Variants in CDH13 observed in about 807,000 individuals in gnomAD.
CDH13 encodes the protein cadherin-13.
In CDH13, 24 loss-of-function variants were observed where a neutral mutation model predicts 63.8. The ratio of observed to expected loss-of-function variants is 0.38; its 90% CI spans 0.27 to 0.53. The LOEUF (loss-of-function observed/expected upper bound fraction) is 0.53. Among genes scored for constraint, CDH13 ranks in the 20% least tolerant of loss-of-function variants. CDH13 has a pLI of 0.85. For synonymous variants in CDH13, 503 were observed against 355.3 expected (o/e 1.42, Z -4.67); for missense variants, 1,049 against 903.1 (o/e 1.16, Z -2.07).
intron 1 of CDH13, among the ~76,000 whole-genome samples, chr16:82,728,523 T>C (rs2033224129): frequency 6.6e-6 from 1 of 152,178 alleles, no homozygotes; most frequent in Non-Finnish European, 1.5e-5. Context: ...AATAGTATTA[T>C]GTCTAAAACG....
At chr16:82,677,899 C>T (rs17179209) in intron 1 of CDH13, among the ~76,000 whole-genome samples, 47,615 of 152,000 alleles carry the variant, frequency 0.31, 9,711 homozygotes, top group Non-Finnish European at 0.46. Flanking sequence ...ACCTTGCTCT[C>T]ACATATTTGC....
At chr16:83,531,838 G>A (rs2075090516) in intron 7 of CDH13, among the ~76,000 whole-genome samples, 1 of 152,190 alleles carries the variant, frequency 6.6e-6, no homozygotes, top group Non-Finnish European at 1.5e-5. Context: ...AAAACTGTAA[G>A]AGAGTAACTT....
chr16:82,966,660 G>C (rs1340762055), intron 2 of CDH13, among the ~76,000 whole-genome samples: 2 of 152,122 alleles, frequency 1.3e-5, no homozygotes, highest in East Asian at 3.9e-4. Context: ...CAGGAAAGTT[G>C]CAAAAAGAAT....
At chr16:83,674,836 T>A (rs1914820850) in intron 9 of CDH13, among the ~76,000 whole-genome samples, 1 of 152,250 alleles carries the variant, frequency 6.6e-6, no homozygotes, top group South Asian at 2.1e-4. Context: ...TTCTTTCAGC[T>A]GAATATAATC....
intron 10 of CDH13, among the ~76,000 whole-genome samples, chr16:83,724,940 C>G (rs1910204443): frequency 6.6e-6 from 1 of 152,182 alleles, no homozygotes; most frequent in Admixed American, 6.5e-5. Flanking sequence ...TTGGTGTCCT[C>G]ATTAGGCCAA....
intron 7 of CDH13, among the ~76,000 whole-genome samples, chr16:83,488,388 GA>G (rs2073941135): frequency 6.6e-6 from 1 of 152,140 alleles, no homozygotes; most frequent in Admixed American, 6.5e-5. Context: ...GGAAAAAAAG[GA>G]AAAAGAGTTG....
chr16:83,326,969 A>T (rs959948242), intron 5 of CDH13, among the ~76,000 whole-genome samples: 1 of 152,232 alleles, frequency 6.6e-6, no homozygotes, highest in Admixed American at 6.5e-5. Context: ...ATCCGGCCAC[A>T]GTCATGTCTG....
At chr16:83,579,228 G>C (rs1259329984) in intron 7 of CDH13, among the ~76,000 whole-genome samples, 1 of 152,138 alleles carries the variant, frequency 6.6e-6, no homozygotes, top group Non-Finnish European at 1.5e-5. Context: ...GGCTGGACTA[G>C]GGGAGAGTGA....
intron 6 of CDH13, among the ~76,000 whole-genome samples, chr16:83,350,543 T>A (rs1209017253): frequency 5.8e-5 from 7 of 121,130 alleles, no homozygotes; most frequent in Non-Finnish European, 1.1e-4. Context: ...CTCTTTCCTG[T>A]CTTAGTCCCT....
At chr16:82,915,723 T>C (rs1313861645) in intron 2 of CDH13, among the ~76,000 whole-genome samples, 1 of 151,872 alleles carries the variant, frequency 6.6e-6, no homozygotes, top group Non-Finnish European at 1.5e-5. Context: ...CTCTTAGACA[T>C]GCTGGTAATA....
At chr16:82,845,093 C>T (rs2039202846) in intron 1 of CDH13, among the ~76,000 whole-genome samples, 1 of 151,922 alleles carries the variant, frequency 6.6e-6, no homozygotes, top group South Asian at 2.1e-4. Flanking sequence ...GGGAGGTGAT[C>T]CAGGAAGCAG....
At chr16:83,295,756 A>G (rs1054332489) in intron 5 of CDH13, among the ~76,000 whole-genome samples, 22 of 152,296 alleles carry the variant, frequency 1.4e-4, no homozygotes, top group African/African-American at 4.6e-4. Flanking sequence ...GGAAAATAGT[A>G]TAGAGATTCC....
Position 83,486,523 on chromosome 16 carries a change from C to T in CDH13, c.828C>T (p.Ala276=). Residue 276 remains alanine (A), a synonymous_variant, in exon 7 of 14, where the codon GCC becomes GCT. Coordinates refer to ENST00000567109, the MANE Select transcript of CDH13 (RefSeq NM_001257.5). ...CAGCCTTTGATGCAGATGACCCAGC[C>T]ACCGATAATGCCCTCCTGCGGTATA... ...RMTAFDADDP[A]TDNALLRYNI... 1.9e-6 allele frequency: 3 copies of T among 1,613,852 alleles called. No individual in the cohort carries two copies. In the Admixed American group the frequency reaches 5.0e-5, roughly 27 times the overall value.
chr16:82,858,655 A>C, intron 2 of CDH13, 182 bp downstream of exon 2: 1 of 641,902 alleles, frequency 1.6e-6, no homozygotes, highest in Non-Finnish European at 2.8e-6. Flanking sequence ...TTAGAGGTTA[A>C]TAGAGTGATA....
chr16:83,776,436 A>G (rs1915119232), intron 11 of CDH13, among the ~76,000 whole-genome samples: 1 of 152,244 alleles, frequency 6.6e-6, no homozygotes, highest in South Asian at 2.1e-4. Flanking sequence ...GCTCTAACGA[A>G]AGTTGATGAT....
intron 5 of CDH13, among the ~76,000 whole-genome samples, chr16:83,269,683 C>T (rs903446911): frequency 2.0e-5 from 3 of 152,154 alleles, no homozygotes; most frequent in Non-Finnish European, 4.4e-5. Context: ...ACCATCTCTG[C>T]CCAGTACCCT....
chr16:83,324,554 C>T (rs1008117444), intron 5 of CDH13, among the ~76,000 whole-genome samples: 1 of 152,182 alleles, frequency 6.6e-6, no homozygotes, highest in Non-Finnish European at 1.5e-5. Flanking sequence ...TTTCCAGGTT[C>T]CCCCATGTTG....
At chr16:83,162,616 G>A (rs888693669) in intron 4 of CDH13, among the ~76,000 whole-genome samples, 8 of 150,770 alleles carry the variant, frequency 5.3e-5, no homozygotes, top group Non-Finnish European at 7.4e-5. Flanking sequence ...AGTATCTACT[G>A]AAGAGGTCCT....
intron 11 of CDH13, among the ~76,000 whole-genome samples, chr16:83,775,831 C>A (rs1375668014): frequency 6.6e-6 from 1 of 152,084 alleles, no homozygotes; most frequent in East Asian, 1.9e-4. Context: ...ATGAGTGGTT[C>A]CATGGTGGTG....
Sources: gnomAD v4.1 joint callset for allele counts (sites outside exome capture counted in the v4.1 genomes callset) on GRCh38, gnomAD v4.1.1 for gene constraint, MANE v1.5 for transcripts, NCBI Gene and HGNC (gene_info 2026-07-23, HGNC 2026-07-21) for gene names.